PTPRN2: variants seen among roughly 807,000 people sequenced by gnomAD.
PTPRN2 encodes the protein protein tyrosine phosphatase receptor type N2, also known as receptor-type tyrosine-protein phosphatase N2.
A neutral mutation model predicts 118.8 loss-of-function variants in PTPRN2; 74 were observed. The ratio of observed to expected loss-of-function variants is 0.62; its 90% confidence interval spans 0.52 to 0.76. The LOEUF (loss-of-function observed/expected upper bound fraction) is 0.76. Ranked by LOEUF, PTPRN2 falls within the 30% of genes least tolerant of loss-of-function variation. The pLI is 0.00. For missense variants in PTPRN2, 1,481 were observed against 1,394.4 expected, an observed-to-expected ratio of 1.06 and a Z score of -0.99; for synonymous variants, 641 against 608.0, an observed-to-expected ratio of 1.05 and a Z score of -0.80.
Position 157,754,712 on chromosome 7 carries a change from A to G in PTPRN2, c.1789-71775T>C, listed in dbSNP as rs74593958. Among the ~76,000 whole-genome samples, 226 of 152,340 alleles carry G rather than the reference A, an allele frequency of 1.5e-3. 1 individual carries two copies. The East Asian group carries it at 0.035, about 24-fold the overall frequency. On this transcript the variant is annotated intron_variant, in intron 12 of 22. Transcript: ENST00000389418. Reference sequence around the variant, plus strand: ...CGGGGTGCCCCCAGCCCTACTTGGCATGCGTGTTTTCTTTGTAGTTAGTTT... The same window carrying G: ...CGGGGTGCCCCCAGCCCTACTTGGCGTGCGTGTTTTCTTTGTAGTTAGTTT...
chr7:158,268,169 A>G (rs1798007442), intron 3 of PTPRN2, among the ~76,000 whole-genome samples: 1 of 152,218 alleles, frequency 6.6e-6, no homozygotes, highest in South Asian at 2.1e-4. Context: ...TAAGTGAATC[A>G]GTGACACAAT....
intron 12 of PTPRN2, among the ~76,000 whole-genome samples, chr7:157,758,406 G>A (rs1038488139): frequency 2.6e-5 from 4 of 152,198 alleles, no homozygotes; most frequent in African/African-American, 9.6e-5. Context: ...GCTCAGAGGC[G>A]AGGTAGGTGG....
At chr7:158,205,736 A>G (rs557936363) in intron 3 of PTPRN2, among the ~76,000 whole-genome samples, 1 of 152,294 alleles carries the variant, frequency 6.6e-6, no homozygotes, top group South Asian at 2.1e-4. Flanking sequence ...ATCCCCCTGC[A>G]GTGGCTGTGT....
chr7:157,746,048 G>C (rs1051494234), intron 12 of PTPRN2, among the ~76,000 whole-genome samples: 1 of 136,880 alleles, frequency 7.3e-6, no homozygotes, highest in African/African-American at 2.8e-5. Context: ...AGGGCCCTGA[G>C]TGTGGAGATC....
chr7:158,169,433 T>A (rs994951384), intron 5 of PTPRN2, among the ~76,000 whole-genome samples: 3 of 149,022 alleles, frequency 2.0e-5, no homozygotes, highest in African/African-American at 7.7e-5. Flanking sequence ...TGTGTGTGTG[T>A]GTGTGTGTGT....
chr7:157,548,225 C>A (rs1798422981), intron 22 of PTPRN2, among the ~76,000 whole-genome samples: 1 of 152,106 alleles, frequency 6.6e-6, no homozygotes, highest in Non-Finnish European at 1.5e-5. Context: ...CAGAAAGCAA[C>A]AACAACAACA....
At position 157,568,982 on chromosome 7, in the gene PTPRN2, G is replaced by A. The variant is rs368578089; in HGVS notation, c.2838-16C>T. The A allele has an allele frequency of 2.5e-5, 39 of 1,549,422 alleles. No individual in the cohort carries two copies. In the African/African-American group the frequency reaches 3.7e-4, roughly 15 times the overall value. On this transcript the variant is annotated splice_polypyrimidine_tract_variant and intron_variant, in intron 20 of 22. Coordinates refer to ENST00000389418, the MANE Select transcript of PTPRN2 (RefSeq NM_002847.5). ...TGCACCGTCACTGCCAACAGAAGGA[G>A]AGAAATGAAAGTGCTGCCGTCCACA... is the stretch of plus-strand genomic sequence containing the variant.
intron 9 of PTPRN2, among the ~76,000 whole-genome samples, chr7:158,133,253 G>A (rs886591019): frequency 5.9e-5 from 9 of 152,264 alleles, no homozygotes; most frequent in Admixed American, 1.3e-4. Flanking sequence ...TTCCAGGGCC[G>A]CGTCCCATCC....
intron 11 of PTPRN2, among the ~76,000 whole-genome samples, chr7:157,924,686 C>T (rs938141963): frequency 7.9e-5 from 12 of 152,254 alleles, no homozygotes; most frequent in Middle Eastern, 6.3e-3. Context: ...AAAGACTTGC[C>T]GAGTCAGCCA....
At chr7:158,310,520 A>G (rs1052057146) in intron 3 of PTPRN2, among the ~76,000 whole-genome samples, 1 of 152,230 alleles carries the variant, frequency 6.6e-6, no homozygotes, top group Non-Finnish European at 1.5e-5. Context: ...GGAATTGGAA[A>G]CAGTGCACCT....
chr7:157,649,802 C>G (rs549461629), intron 14 of PTPRN2, among the ~76,000 whole-genome samples: 1 of 136,544 alleles, frequency 7.3e-6, no homozygotes, highest in Non-Finnish European at 1.6e-5. Context: ...ACCCATCCAG[C>G]GTGCACTGAA....
intron 11 of PTPRN2, among the ~76,000 whole-genome samples, chr7:157,901,342 CAG>C (rs1491482800): frequency 6.6e-6 from 1 of 151,800 alleles, no homozygotes. Context: ...CAACCAGATG[CAG>C]AGTCACACAT....
chr7:158,084,681 C>T (rs193100144), intron 10 of PTPRN2, among the ~76,000 whole-genome samples: 459 of 148,622 alleles, frequency 3.1e-3, no homozygotes, highest in African/African-American at 0.01. Flanking sequence ...ACACCCACGA[C>T]GCCCATCCAC....
chr7:158,081,285 G>A lies in PTPRN2; in HGVS notation c.1723+13C>T. The A allele has an allele frequency of 6.2e-7, 1 of 1,611,608 alleles. No individual in the cohort carries two copies. The highest frequency in any genetic ancestry group is 8.5e-7 in the Non-Finnish European group (1 of 1,177,908). On this transcript the variant is annotated intron_variant, in intron 11 of 22. Coordinates refer to ENST00000389418, the MANE Select transcript of PTPRN2 (RefSeq NM_002847.5). ...GTGTGTGTGCGTGTACGTGTGTGTG[G>A]AAACAGCCTCACCTGTGGCCTTCTC...
intron 10 of PTPRN2, among the ~76,000 whole-genome samples, chr7:158,092,335 T>A (rs1814259744): frequency 2.4e-5 from 1 of 41,436 alleles, no homozygotes; most frequent in African/African-American, 1.0e-4. Context: ...GATGGATGGA[T>A]AGATGGGTGG....
intron 13 of PTPRN2, among the ~76,000 whole-genome samples, chr7:157,660,735 T>C (rs993275511): frequency 5.3e-5 from 8 of 152,192 alleles, no homozygotes; most frequent in African/African-American, 1.9e-4. Context: ...TAAAGATATT[T>C]CTGAAGAAGT....
At chr7:157,892,726 TTAAA>T (rs1300292743) in intron 12 of PTPRN2, among the ~76,000 whole-genome samples, 1 of 152,194 alleles carries the variant, frequency 6.6e-6, no homozygotes, top group Non-Finnish European at 1.5e-5. Flanking sequence ...TCATTAGCTG[TTAAA>T]TAATTTATCA....
chr7:157,955,440 G>T (rs962901543), intron 11 of PTPRN2, among the ~76,000 whole-genome samples: 1 of 152,058 alleles, frequency 6.6e-6, no homozygotes, highest in African/African-American at 2.4e-5. Context: ...GCAGCCAGGG[G>T]AGGGCTTACC....
At chr7:157,543,923 C>T (rs549263342) in intron 22 of PTPRN2, among the ~76,000 whole-genome samples, 18 of 152,190 alleles carry the variant, frequency 1.2e-4, no homozygotes, top group African/African-American at 4.1e-4. Context: ...TGTGTGTACA[C>T]CAGGGCGGAG....
Sources: allele counts gnomAD v4.1 joint callset (sites outside exome capture counted in the v4.1 genomes callset), GRCh38; gene constraint gnomAD v4.1.1; transcripts MANE v1.5; gene names NCBI Gene and HGNC (gene_info 2026-07-23, HGNC 2026-07-21).